Variants in MDGA2 observed in about 807,000 individuals in gnomAD.
MDGA2 encodes MAM domain-containing glycosylphosphatidylinositol anchor protein 2.
MDGA2 carries 40 observed loss-of-function variants against 117.8 expected under a neutral mutation model. The observed-to-expected ratio is 0.34, with a 90% CI of 0.26 to 0.44. MDGA2 has a LOEUF of 0.44. MDGA2 is among the 20% of genes least tolerant of loss of function. The pLI is 1.00. For missense variants in MDGA2, 1,123 were observed against 1,250.6 expected (o/e 0.90, Z 1.54); for synonymous variants, 452 against 439.0 (o/e 1.03, Z -0.37).
intron 1 of MDGA2, among the ~76,000 whole-genome samples, chr14:47,490,986 T>C (rs1894157156): frequency 6.6e-6 from 1 of 152,090 alleles, no homozygotes; most frequent in African/African-American, 2.4e-5. Context: ...CTCTTTTTTG[T>C]CTGTTGAAGA....
chr14:47,352,815 C>A (rs537971497), intron 1 of MDGA2, among the ~76,000 whole-genome samples: 23 of 152,236 alleles, frequency 1.5e-4, no homozygotes, highest in African/African-American at 5.5e-4. Flanking sequence ...CTTTACTTTA[C>A]AATGCTTCAT....
intron 8 of MDGA2, among the ~76,000 whole-genome samples, chr14:46,962,684 T>C (rs1372022701): frequency 6.6e-6 from 1 of 152,208 alleles, no homozygotes; most frequent in Non-Finnish European, 1.5e-5. Flanking sequence ...TTTTGTCTAT[T>C]ACATGCCTAG....
chr14:46,883,877 C>T (rs927681745), intron 10 of MDGA2, among the ~76,000 whole-genome samples: 3 of 151,916 alleles, frequency 2.0e-5, no homozygotes, highest in African/African-American at 4.8e-5. Context: ...ATGACAAATA[C>T]AGTCCTCTTT....
chr14:47,335,734 T>TTTTATATATATATATATATATATA (rs1255206359), intron 1 of MDGA2, among the ~76,000 whole-genome samples: 30 of 48,020 alleles, frequency 6.2e-4, no homozygotes, highest in Admixed American at 1.2e-3. Flanking sequence ...CACATATATT[T>TTTTATATATATATATATATATATA]TATATATATA....
chr14:46,873,497 A>T lies in MDGA2; in HGVS notation c.2688T>A (p.Pro896=). 6.2e-7 allele frequency: 1 copy of T among 1,612,636 alleles called. No individual in the cohort carries two copies. The highest frequency in any genetic ancestry group is 8.5e-7 in the Non-Finnish European group (1 of 1,179,048). The change falls in exon 14 of 17, where the codon CCT becomes CCA. Residue 896 remains proline (P), a synonymous_variant. Coordinates refer to ENST00000399232, the MANE Select transcript of MDGA2 (RefSeq NM_001113498.3). ...AATATGCAGTGTTTGTGGGTCCATA[A>T]GGGTTTTTGGGAGCTATGCTGAAAA... is the stretch of plus-strand genomic sequence containing the variant. ...SPVFSIAPKN[P]YGPTNTAYCF...
At chr14:46,842,331 G>C (rs1463091706) in intron 16 of MDGA2, among the ~76,000 whole-genome samples, 2 of 151,880 alleles carry the variant, frequency 1.3e-5, no homozygotes, top group East Asian at 3.9e-4. Context: ...GCTAGCCACA[G>C]GAAAGCAGGA....
At chr14:47,646,725 C>T (rs1017127950) in intron 1 of MDGA2, among the ~76,000 whole-genome samples, 18 of 152,074 alleles carry the variant, frequency 1.2e-4, no homozygotes, top group Admixed American at 2.0e-4. Flanking sequence ...CAACCCTTAG[C>T]GTAAAATATG....
chr14:47,608,913 A>C (rs968674555), intron 1 of MDGA2, among the ~76,000 whole-genome samples: 2 of 151,986 alleles, frequency 1.3e-5, no homozygotes, highest in Admixed American at 1.3e-4. Context: ...ACAGGTTGGA[A>C]TTTGGTCTGG....
intron 1 of MDGA2, among the ~76,000 whole-genome samples, chr14:47,301,853 CT>C (rs1330408483): frequency 1.1e-4 from 16 of 152,100 alleles, no homozygotes; most frequent in Admixed American, 5.9e-4. Context: ...AGGTCCCTTC[CT>C]TTCTGAGTTC....
chr14:47,084,576 T>G lies in MDGA2; in HGVS notation c.1195+12278A>C, dbSNP rs1890828474. 2.0e-5 allele frequency among the ~76,000 whole-genome samples: 3 copies of G among 152,090 alleles called. No homozygotes were observed. The South Asian group carries it at 6.2e-4, about 32-fold the overall frequency. ...TTCAGTGTTATGGACTGAATGCATG[T>G]GTTTTCCCAACATTTCTTTTGTTGT... On this transcript the variant is annotated intron_variant, in intron 6 of 16. Coordinates refer to ENST00000399232, the MANE Select transcript of MDGA2 (RefSeq NM_001113498.3).
At chr14:47,371,498 G>C (rs1171769139) in intron 1 of MDGA2, among the ~76,000 whole-genome samples, 1 of 151,538 alleles carries the variant, frequency 6.6e-6, no homozygotes, top group Non-Finnish European at 1.5e-5. Context: ...CTTACCCCAG[G>C]CACATTTTTA....
At chr14:47,389,951 T>C (rs1351431386) in intron 1 of MDGA2, among the ~76,000 whole-genome samples, 2 of 152,140 alleles carry the variant, frequency 1.3e-5, no homozygotes, top group Non-Finnish European at 2.9e-5. Context: ...ACAGAAACAA[T>C]GCAGGCTGGC....
intron 10 of MDGA2, among the ~76,000 whole-genome samples, chr14:46,919,459 C>G (rs984032237): frequency 2.0e-5 from 3 of 151,774 alleles, no homozygotes; most frequent in African/African-American, 7.3e-5. Context: ...GAAAAAGATA[C>G]AGTTTTTTCC....
At chr14:46,917,740 G>A (rs1233809968) in intron 10 of MDGA2, among the ~76,000 whole-genome samples, 2 of 152,056 alleles carry the variant, frequency 1.3e-5, no homozygotes, top group East Asian at 3.9e-4. Context: ...CCAGTTTTAT[G>A]ATAAAAAATA....
intron 1 of MDGA2, among the ~76,000 whole-genome samples, chr14:47,546,074 C>A (rs1895457100): frequency 1.3e-5 from 2 of 151,966 alleles, no homozygotes; most frequent in South Asian, 4.1e-4. Flanking sequence ...ACTATTATGC[C>A]AAGTAGTATA....
chr14:47,381,700 C>G (rs564917635), intron 1 of MDGA2, among the ~76,000 whole-genome samples: 6 of 151,940 alleles, frequency 3.9e-5, no homozygotes, highest in African/African-American at 4.8e-5. Context: ...CACTGCTCAA[C>G]GAAATAAAAG....
chr14:47,642,002 G>A (rs1043247700), intron 1 of MDGA2, among the ~76,000 whole-genome samples: 4 of 152,110 alleles, frequency 2.6e-5, no homozygotes, highest in African/African-American at 9.6e-5. Flanking sequence ...TGGGAACTGG[G>A]TGTTACAGTG....
chr14:47,591,782 T>C (rs1896444373), intron 1 of MDGA2, among the ~76,000 whole-genome samples: 1 of 152,086 alleles, frequency 6.6e-6, no homozygotes, highest in African/African-American at 2.4e-5. Flanking sequence ...GTAACATATG[T>C]CAAAATAATA....
rs560268300 is a variant in MDGA2 at position 47,252,351 on chromosome 14, T to C, written c.421-34156A>G. On this transcript the variant is annotated intron_variant, in intron 2 of 16. Transcript: ENST00000399232. ...CAGAATAGGGTTGTGATATATTTAA[T>C]TGTGACAGCATCTTTTCACATAAAA... Among the ~76,000 whole-genome samples the C allele has an allele frequency of 3.9e-5, 6 of 152,304 alleles. No individual in the cohort carries two copies. The South Asian group carries it at 8.3e-4, about 21-fold the overall frequency.
Sources: allele counts gnomAD v4.1 joint callset (sites outside exome capture counted in the v4.1 genomes callset), GRCh38; gene constraint gnomAD v4.1.1; transcripts MANE v1.5; gene names NCBI Gene and HGNC (gene_info 2026-07-23, HGNC 2026-07-21).